The following TOGARAM2 variants were observed in gnomAD, a reference collection of about 807,000 sequenced individuals.
TOGARAM2 encodes TOG array regulator of axonemal microtubules protein 2.
A neutral mutation model predicts 93.3 loss-of-function variants in TOGARAM2; 85 were observed. The observed-to-expected ratio is 0.91, with a 90% confidence interval of 0.76 to 1.09. The LOEUF (loss-of-function observed/expected upper bound fraction) is 1.09, where lower values mean the gene tolerates loss of function less well. TOGARAM2 is among the 50% of genes least tolerant of loss of function. TOGARAM2 has a pLI of 0.00. For missense variants in TOGARAM2, 1,277 were observed against 1,334.5 expected (o/e 0.96, Z 0.67); for synonymous variants, 593 against 552.8 (o/e 1.07, Z -1.02).
At chr2:29,043,556 G>A (rs1453663999) in intron 18 of TOGARAM2, among the ~76,000 whole-genome samples, 11 of 97,172 alleles carry the variant, frequency 1.1e-4, no homozygotes, top group East Asian at 5.6e-4. Flanking sequence ...CAGGATACAC[G>A]TGCTGGGCTG....
rs1209126138 is a variant in TOGARAM2 at position 29,036,542 on chromosome 2, T to G, written c.2420T>G (p.Val807Gly). The change falls in exon 18 of 20, where the codon GTC becomes GGC. Residue 807 changes from valine (V) to glycine (G), a missense_variant and splice_region_variant. Val to Gly is a moderately radical substitution (Grantham distance 109). Transcript: ENST00000379558. Reference protein sequence around the residue: ...TELVTAHLVQVFDAFTPRLQD... With the variant: ...TELVTAHLVQGFDAFTPRLQD... ...TCTTGGTTTCTGTTTCTTCAATAGG[T>G]CTTTGATGCTTTCACCCCAAGGCTT... is the stretch of plus-strand genomic sequence containing the variant. 6.2e-7 allele frequency: 1 copy of G among 1,613,866 alleles called. No homozygotes were observed. Among genetic ancestry groups the G allele is most frequent in the Non-Finnish European group, 8.5e-7 (1 of 1,179,872 alleles).
At chr2:29,022,627 G>T (rs958791608) in intron 11 of TOGARAM2, among the ~76,000 whole-genome samples, 1 of 152,222 alleles carries the variant, frequency 6.6e-6, no homozygotes, top group Non-Finnish European at 1.5e-5. Context: ...CAGGAAGGCC[G>T]CAGCCCTTTA....
chr2:29,047,195 G>T (rs961475336), intron 19 of TOGARAM2: 5 of 152,666 alleles, frequency 3.3e-5, no homozygotes, highest in Non-Finnish European at 7.3e-5. Flanking sequence ...TGCGAGTGAG[G>T]CAGGGCTGGC....
At chr2:29,017,583 A>C (rs13409364) in intron 9 of TOGARAM2, among the ~76,000 whole-genome samples, 1 of 151,770 alleles carries the variant, frequency 6.6e-6, no homozygotes, top group Non-Finnish European at 1.5e-5. Flanking sequence ...ATTTCTTTTA[A>C]ATTTTCTGTA....
upstream of TOGARAM2, among the ~76,000 whole-genome samples, chr2:28,979,157 C>A (rs1465743964): frequency 6.6e-6 from 1 of 152,122 alleles, no homozygotes; most frequent in African/African-American, 2.4e-5. Flanking sequence ...CTGGCTCCCC[C>A]AGAGGCCCGG....
At chr2:29,014,351 T>G (rs372738182) in intron 7 of TOGARAM2, 44 bp from the exon 8 acceptor site, 2 of 1,591,540 alleles carry the variant, frequency 1.3e-6, no homozygotes, top group Non-Finnish European at 1.7e-6. Flanking sequence ...AGCTCAGCAG[T>G]GACCTGGGTG....
chr2:28,968,604 C>A (rs775468384), intron 1 of TOGARAM2, among the ~76,000 whole-genome samples: 2 of 151,898 alleles, frequency 1.3e-5, no homozygotes, highest in East Asian at 3.9e-4. Flanking sequence ...TCCAGGAGAT[C>A]GAGACCAGCC....
At chr2:29,023,990 C>T (rs1261857552) in intron 12 of TOGARAM2, 149 bp from the exon 13 acceptor site, 3 of 629,496 alleles carry the variant, frequency 4.8e-6, no homozygotes, top group African/African-American at 1.8e-5. Context: ...CTCAGAGTGG[C>T]TGCAGGGTTT....
chr2:29,030,411 A>C (rs1665695648), intron 14 of TOGARAM2, among the ~76,000 whole-genome samples: 1 of 152,174 alleles, frequency 6.6e-6, no homozygotes, highest in Non-Finnish European at 1.5e-5. Context: ...TGTAGCATCT[A>C]CTAGAGCATC....
chr2:29,002,999 C>T (rs1572671487), intron 5 of TOGARAM2, among the ~76,000 whole-genome samples: 1 of 152,214 alleles, frequency 6.6e-6, no homozygotes, highest in Non-Finnish European at 1.5e-5. Context: ...GCTGCATGAC[C>T]TTTGTCCTAG....
At chr2:29,012,874 T>C (rs1468149153) in intron 7 of TOGARAM2, among the ~76,000 whole-genome samples, 1 of 152,208 alleles carries the variant, frequency 6.6e-6, no homozygotes, top group Admixed American at 6.5e-5. Context: ...ATGTGCCCTC[T>C]GCTCTGCCTC....
At chr2:28,991,751 C>G (rs1042282155) in intron 1 of TOGARAM2, among the ~76,000 whole-genome samples, 5 of 152,166 alleles carry the variant, frequency 3.3e-5, no homozygotes, top group African/African-American at 1.2e-4. Flanking sequence ...ACTGGGCCAG[C>G]CCTAGCTAGC....
chr2:29,025,374 CTT>C (rs1665285653), intron 13 of TOGARAM2, among the ~76,000 whole-genome samples: 1 of 150,976 alleles, frequency 6.6e-6, no homozygotes, highest in South Asian at 2.1e-4. Context: ...CTATAATTAA[CTT>C]AGGAGAAATG....
At chr2:29,036,876 G>A in intron 18 of TOGARAM2, 119 bp downstream of exon 18, 1 of 1,014,556 alleles carries the variant, frequency 9.9e-7, no homozygotes, top group South Asian at 1.5e-5. Flanking sequence ...ACCAGAGGCT[G>A]TGTAGGGCAG....
At chr2:29,004,939 T>TGTGCATGTGTGA (rs1553338690) in intron 6 of TOGARAM2, among the ~76,000 whole-genome samples, 4,882 of 106,776 alleles carry the variant, frequency 0.046, 986 homozygotes, top group East Asian at 0.19. Flanking sequence ...AGTGCATGTG[T>TGTGCATGTGTGA]GTGCATGTGT....
upstream of TOGARAM2, among the ~76,000 whole-genome samples, chr2:28,980,049 T>C (rs1346540415): frequency 1.3e-5 from 2 of 152,216 alleles, no homozygotes; most frequent in African/African-American, 4.8e-5. Flanking sequence ...GGCATCTTCA[T>C]ACCTGTCTCC....
chr2:28,998,105 G>A, intron 2 of TOGARAM2, 38 bp from the exon 3 acceptor site: 2 of 1,418,956 alleles, frequency 1.4e-6, no homozygotes, highest in Non-Finnish European at 1.9e-6. Context: ...GGCCTTGGAG[G>A]ACTCTCAGGT....
At chr2:29,028,087 A>G (rs549089429) in intron 14 of TOGARAM2, among the ~76,000 whole-genome samples, 15 of 152,332 alleles carry the variant, frequency 9.8e-5, no homozygotes, top group African/African-American at 3.6e-4. Flanking sequence ...GACTGTCTTC[A>G]AAAGCTAGGG....
At chr2:28,991,979 C>G (rs1349939834) in intron 1 of TOGARAM2, among the ~76,000 whole-genome samples, 1 of 152,292 alleles carries the variant, frequency 6.6e-6, no homozygotes, top group South Asian at 2.1e-4. Context: ...GAAGTGAGGA[C>G]AAGATCCTGG....
Sources: gnomAD v4.1 joint callset for allele counts (sites outside exome capture counted in the v4.1 genomes callset) on GRCh38, gnomAD v4.1.1 for gene constraint, MANE v1.5 for transcripts, NCBI Gene and HGNC (gene_info 2026-07-23, HGNC 2026-07-21) for gene names.